The following SLC24A3 variants were observed in gnomAD, a reference collection of about 807,000 sequenced individuals.
The protein encoded by SLC24A3 is solute carrier family 24 member 3.
Under a neutral mutation model 75.8 loss-of-function variants are expected in SLC24A3, and 28 were observed. The ratio of observed to expected loss-of-function variants is 0.37; its 90% confidence interval spans 0.27 to 0.51. The LOEUF (loss-of-function observed/expected upper bound fraction) is 0.51. SLC24A3 is among the 20% of genes least tolerant of loss of function. SLC24A3 has a pLI of 0.94. For missense variants in SLC24A3, 663 were observed against 847.8 expected (o/e 0.78, Z 2.71); for synonymous variants, 372 against 334.1 (o/e 1.11, Z -1.24).
intron 3 of SLC24A3, among the ~76,000 whole-genome samples, chr20:19,546,802 G>A (rs1314693437): frequency 3.3e-5 from 5 of 152,122 alleles, no homozygotes; most frequent in African/African-American, 1.2e-4. Context: ...CTCCAGGAGG[G>A]GCAGCTCTGG....
intron 15 of SLC24A3, among the ~76,000 whole-genome samples, chr20:19,713,687 G>A (rs555231691): frequency 6.6e-6 from 1 of 152,250 alleles, no homozygotes; most frequent in African/African-American, 2.4e-5. Flanking sequence ...GCAGCCTCGG[G>A]TGCAAGGAAG....
At chr20:19,403,510 A>G (rs1986588420) in intron 2 of SLC24A3, among the ~76,000 whole-genome samples, 1 of 152,204 alleles carries the variant, frequency 6.6e-6, no homozygotes, top group African/African-American at 2.4e-5. Flanking sequence ...GGCAAAAAGA[A>G]CAGACCTCTG....
chr20:19,557,309 C>A (rs1300023033), intron 3 of SLC24A3, among the ~76,000 whole-genome samples: 2 of 152,146 alleles, frequency 1.3e-5, no homozygotes, highest in Non-Finnish European at 2.9e-5. Flanking sequence ...CCTGGGCTGG[C>A]CTGCAAGAGT....
intron 4 of SLC24A3, among the ~76,000 whole-genome samples, chr20:19,582,429 C>T (rs1161581783): frequency 6.6e-6 from 1 of 152,178 alleles, no homozygotes; most frequent in Non-Finnish European, 1.5e-5. Flanking sequence ...GCTTGGAGGT[C>T]AGGGCAGATT....
chr20:19,274,860 G>A (rs539327559), intron 1 of SLC24A3, among the ~76,000 whole-genome samples: 1 of 152,340 alleles, frequency 6.6e-6, no homozygotes, highest in African/African-American at 2.4e-5. Flanking sequence ...ACAGAGTGGA[G>A]GCAGCTGTGT....
chr20:19,655,637 A>C (rs1161009276), intron 7 of SLC24A3, among the ~76,000 whole-genome samples: 2 of 152,184 alleles, frequency 1.3e-5, no homozygotes, highest in African/African-American at 4.8e-5. Context: ...GATTCAATTC[A>C]CTGAAGGCCC....
intron 2 of SLC24A3, among the ~76,000 whole-genome samples, chr20:19,330,710 A>G (rs1160554292): frequency 1.3e-5 from 2 of 152,234 alleles, no homozygotes; most frequent in African/African-American, 4.8e-5. Flanking sequence ...TTGGTCTGAT[A>G]AAAGTCATCA....
intron 3 of SLC24A3, among the ~76,000 whole-genome samples, chr20:19,522,318 G>A (rs1015046209): frequency 1.3e-5 from 2 of 152,138 alleles, no homozygotes; most frequent in African/African-American, 4.8e-5. Flanking sequence ...CTCAAGGGCT[G>A]GCCTGGCTTT....
intron 3 of SLC24A3, among the ~76,000 whole-genome samples, chr20:19,557,213 C>T (rs917511662): frequency 3.3e-5 from 5 of 152,184 alleles, no homozygotes; most frequent in African/African-American, 1.2e-4. Context: ...TCTTTTCCAC[C>T]TACAAACACT....
At chr20:19,704,817 G>A (rs984250511) in intron 15 of SLC24A3, among the ~76,000 whole-genome samples, 1 of 152,184 alleles carries the variant, frequency 6.6e-6, no homozygotes, top group Non-Finnish European at 1.5e-5. Flanking sequence ...AGGTAGTGCA[G>A]AGTAAGGTGG....
intron 6 of SLC24A3, among the ~76,000 whole-genome samples, chr20:19,621,431 C>T (rs1047928037): frequency 2.0e-5 from 3 of 152,184 alleles, no homozygotes; most frequent in Non-Finnish European, 4.4e-5. Flanking sequence ...TTGTTTTTAA[C>T]TAAAGATACT....
chr20:19,585,207 C>T lies in SLC24A3; in HGVS notation c.508+152C>T, dbSNP rs896863919. On this transcript the variant is annotated intron_variant, in intron 5 of 16. Coordinates refer to ENST00000328041, the MANE Select transcript of SLC24A3 (RefSeq NM_020689.4). Reference sequence around the variant, plus strand: ...AGTAGAACATCAGCCTCCCATCTGCCGTTGTTGTTTTATTTAAGTGATGCT... The same window carrying T: ...AGTAGAACATCAGCCTCCCATCTGCTGTTGTTGTTTTATTTAAGTGATGCT... The T allele has an allele frequency of 3.2e-5, 25 of 777,360 alleles. No individual in the cohort carries two copies. The Middle Eastern group carries it at 9.9e-4, about 31-fold the overall frequency. The allele number at this position is 777,360 out of a possible 1,614,324, so 48.2% of individuals were successfully genotyped here. A position where few individuals can be genotyped will look rare whatever the true frequency, so the allele number is the denominator to read the frequency against.
chr20:19,380,487 G>T (rs1986161999), intron 2 of SLC24A3, among the ~76,000 whole-genome samples: 1 of 152,166 alleles, frequency 6.6e-6, no homozygotes, highest in Admixed American at 6.5e-5. Context: ...TTACATTTTG[G>T]AAAGGTCTCT....
chr20:19,467,383 C>A (rs751155725), intron 2 of SLC24A3, among the ~76,000 whole-genome samples: 2 of 152,156 alleles, frequency 1.3e-5, no homozygotes, highest in African/African-American at 2.4e-5. Flanking sequence ...ACAGAGAAGA[C>A]TGGGTTGTAC....
chr20:19,556,589 AAAAAAG>A (rs1413463951), intron 3 of SLC24A3, among the ~76,000 whole-genome samples: 11 of 151,980 alleles, frequency 7.2e-5, no homozygotes, highest in African/African-American at 2.4e-4. Flanking sequence ...AAAAAAAAAA[AAAAAAG>A]AAAAGGCAAT....
chr20:19,277,445 G>C (rs556033890), intron 1 of SLC24A3, among the ~76,000 whole-genome samples: 1 of 152,294 alleles, frequency 6.6e-6, no homozygotes, highest in South Asian at 2.1e-4. Flanking sequence ...TACTCTAAAA[G>C]TAAATTGACC....
intron 2 of SLC24A3, among the ~76,000 whole-genome samples, chr20:19,416,911 A>T (rs1342456998): frequency 6.6e-6 from 1 of 152,230 alleles, no homozygotes; most frequent in Non-Finnish European, 1.5e-5. Flanking sequence ...AAACTCGCAG[A>T]AGGTACTGTG....
intron 6 of SLC24A3, among the ~76,000 whole-genome samples, chr20:19,591,621 G>A (rs570856845): frequency 5.3e-5 from 8 of 151,970 alleles, no homozygotes; most frequent in African/African-American, 1.7e-4. Flanking sequence ...TCCCCCCATA[G>A]CATCATCAAA....
chr20:19,599,272 C>T (rs1004835209), intron 6 of SLC24A3, among the ~76,000 whole-genome samples: 9 of 152,194 alleles, frequency 5.9e-5, no homozygotes, highest in Non-Finnish European at 1.3e-4. Flanking sequence ...GAGGGGCTCC[C>T]GTCCTGGAGG....
Sources: gnomAD v4.1 joint callset for allele counts (sites outside exome capture counted in the v4.1 genomes callset) on GRCh38, gnomAD v4.1.1 for gene constraint, MANE v1.5 for transcripts, NCBI Gene and HGNC (gene_info 2026-07-23, HGNC 2026-07-21) for gene names.